The following CTNNA2 variants were observed in gnomAD, a reference collection of about 807,000 sequenced individuals.
CTNNA2 encodes the protein catenin alpha 2.
CTNNA2 carries 42 observed loss-of-function variants against 101.0 expected under a neutral mutation model. The observed-to-expected ratio is 0.42, with a 90% CI of 0.32 to 0.54. The LOEUF (loss-of-function observed/expected upper bound fraction) is 0.54, where lower values mean the gene tolerates loss of function less well. Among genes scored for constraint, CTNNA2 ranks in the 20% least tolerant of loss-of-function variants. The pLI, the probability that CTNNA2 is intolerant of heterozygous loss-of-function variation, is 0.14. For missense variants in CTNNA2, 871 were observed against 1,223.1 expected, an observed-to-expected ratio of 0.71 and a Z score of 4.29; for synonymous variants, 450 against 456.4, an observed-to-expected ratio of 0.99 and a Z score of 0.18.
intron 9 of CTNNA2, among the ~76,000 whole-genome samples, chr2:80,500,403 C>G (rs1262567599): frequency 6.6e-6 from 1 of 152,156 alleles, no homozygotes; most frequent in Non-Finnish European, 1.5e-5. Flanking sequence ...ATCCACCCAT[C>G]CGCCTACCCA....
rs139170861 is a variant in CTNNA2 at position 79,852,881 on chromosome 2, C to T, written c.299-5132C>T. Among the ~76,000 whole-genome samples, 1,345 of 152,106 alleles carry T rather than the reference C, an allele frequency of 8.8e-3. 19 individuals are homozygous for T. Among genetic ancestry groups the T allele is most frequent in the African/African-American group, 0.031 (1,292 of 41,504 alleles). ...TTGGGATTACAGGCGTGAGCCACCG[C>T]GCACAGCCGCAGTTTAACCCTCGTT... On this transcript the variant is annotated intron_variant, in intron 3 of 18. Transcript: ENST00000402739.
In CTNNA2 at chr2:79,958,380, T is replaced by C. The variant is rs180880347; in HGVS notation, c.1056+48583T>C. The stretch of plus-strand genomic sequence containing the variant: ...TGTAATTTAGTTAAGGATCTGGAGA[T>C]GGAGAGACTGTCCTGGATTGTTCGA... On this transcript the variant is annotated intron_variant, in intron 7 of 18. Coordinates refer to ENST00000402739, the MANE Select transcript of CTNNA2 (RefSeq NM_001282597.3). Among the ~76,000 whole-genome samples the C allele has an allele frequency of 8.4e-4, 128 of 152,248 alleles. 1 individual carries two copies. Among genetic ancestry groups the C allele is most frequent in the Non-Finnish European group, 1.5e-3 (102 of 68,022 alleles).
At chr2:80,578,307 A>T (rs3821068) in intron 13 of CTNNA2, among the ~76,000 whole-genome samples, 2 of 152,182 alleles carry the variant, frequency 1.3e-5, no homozygotes, top group African/African-American at 4.8e-5. Context: ...CTTCCCAAAG[A>T]GCACATAGAA....
intron 9 of CTNNA2, among the ~76,000 whole-genome samples, chr2:80,492,498 T>C (rs749503607): frequency 6.6e-6 from 1 of 152,226 alleles, no homozygotes; most frequent in Non-Finnish European, 1.5e-5. Context: ...CTAATATCCA[T>C]ACTGTTACTC....
At chr2:80,145,562 A>G (rs1300301869) in intron 7 of CTNNA2, among the ~76,000 whole-genome samples, 1 of 152,200 alleles carries the variant, frequency 6.6e-6, no homozygotes, top group African/African-American at 2.4e-5. Context: ...TTCACGATTC[A>G]ATTAACAGGA....
At chr2:80,537,317 G>A (rs1226112214) in intron 9 of CTNNA2, among the ~76,000 whole-genome samples, 1 of 152,072 alleles carries the variant, frequency 6.6e-6, no homozygotes, top group Non-Finnish European at 1.5e-5. Flanking sequence ...TCCTTATCAA[G>A]TCTATAATTG....
intron 7 of CTNNA2, among the ~76,000 whole-genome samples, chr2:80,319,253 A>T (rs1316158160): frequency 1.3e-5 from 2 of 152,230 alleles, no homozygotes; most frequent in African/African-American, 4.8e-5. Flanking sequence ...TATTTGAAGG[A>T]TGTCTACCAA....
At chr2:80,427,206 G>C (rs1196841536) in intron 9 of CTNNA2, among the ~76,000 whole-genome samples, 1 of 152,152 alleles carries the variant, frequency 6.6e-6, no homozygotes, top group Non-Finnish European at 1.5e-5. Flanking sequence ...TATTTCTATA[G>C]CACAGTTGTA....
At chr2:80,061,935 A>C (rs1697626453) in intron 7 of CTNNA2, among the ~76,000 whole-genome samples, 1 of 152,222 alleles carries the variant, frequency 6.6e-6, no homozygotes, top group African/African-American at 2.4e-5. Flanking sequence ...AAAGTAAAGC[A>C]AAAAAATGTA....
chr2:80,587,077 G>A (rs1056908137), intron 14 of CTNNA2, among the ~76,000 whole-genome samples: 1 of 152,118 alleles, frequency 6.6e-6, no homozygotes, highest in African/African-American at 2.4e-5. Flanking sequence ...GTTGTGTAGA[G>A]TGGTTAAGAA....
intron 4 of CTNNA2, among the ~76,000 whole-genome samples, chr2:79,449,608 A>G (rs1172093898): frequency 6.6e-6 from 1 of 152,084 alleles, no homozygotes; most frequent in Non-Finnish European, 1.5e-5. Flanking sequence ...TACTTCAGGA[A>G]ACAGTTTACC....
chr2:80,486,145 C>G (rs996558396), intron 9 of CTNNA2, among the ~76,000 whole-genome samples: 1 of 152,132 alleles, frequency 6.6e-6, no homozygotes, highest in Non-Finnish European at 1.5e-5. Flanking sequence ...GTGTTAGAAA[C>G]AGAATGTTCA....
In CTNNA2 at chr2:79,727,564, T is replaced by A. The variant is rs187414645; in HGVS notation, c.103-16823T>A. 7.3e-3 allele frequency among the ~76,000 whole-genome samples: 1,116 copies of A among 152,210 alleles called. 9 individuals are homozygous for A. The highest frequency in any genetic ancestry group is 0.026 in the African/African-American group (1,063 of 41,552). On this transcript the variant is annotated intron_variant, in intron 2 of 18. Transcript: ENST00000402739. ...AGAGAACAGATTTCAGATATTTCTT[T>A]TTTTATTTTATTTTATTTTATTATT...
At chr2:80,387,138 A>G (rs1405710573) in intron 7 of CTNNA2, among the ~76,000 whole-genome samples, 1 of 151,980 alleles carries the variant, frequency 6.6e-6, no homozygotes, top group African/African-American at 2.4e-5. Flanking sequence ...AATACAAAAA[A>G]ATTAGCCGGG....
Position 80,545,946 on chromosome 2 carries a change from A to G in CTNNA2, c.1423A>G (p.Ser475Gly), listed in dbSNP as rs1347217502. 1 of 1,614,114 alleles carries G rather than the reference A, an allele frequency of 6.2e-7. No homozygotes were observed. The highest frequency in any genetic ancestry group is 8.5e-7 in the Non-Finnish European group (1 of 1,180,010). Residue 475 changes from serine (S) to glycine (G), a missense_variant, in exon 11 of 19, where the codon AGC (serine) becomes GGC (glycine). Ser to Gly is a moderately conservative substitution (Grantham distance 56). Transcript: ENST00000402739. ...AALTLAARPQ[S>G]KVAQDNMDVF... ...TCTGACACTGGCTGCCCGGCCACAG[A>G]GCAAAGTTGCTCAGGATAACATGGA...
intron 4 of CTNNA2, among the ~76,000 whole-genome samples, chr2:79,445,157 T>C (rs904089136): frequency 1.3e-5 from 2 of 152,154 alleles, no homozygotes; most frequent in Non-Finnish European, 2.9e-5. Context: ...TTTTGATACA[T>C]TTTTTTCCTC....
intron 2 of CTNNA2, among the ~76,000 whole-genome samples, chr2:79,240,100 G>A (rs1674607642): frequency 2.0e-5 from 3 of 151,664 alleles, no homozygotes; most frequent in Admixed American, 6.6e-5. Flanking sequence ...TAGAGACGGG[G>A]TTTCTCCATG....
At chr2:80,600,131 G>A (rs1391124970) in intron 15 of CTNNA2, among the ~76,000 whole-genome samples, 1 of 151,926 alleles carries the variant, frequency 6.6e-6, no homozygotes, top group East Asian at 1.9e-4. Flanking sequence ...ACTTTTCAAT[G>A]TATTGTCCAG....
chr2:79,907,332 T>TAC (rs775605770), intron 6 of CTNNA2, among the ~76,000 whole-genome samples: 21 of 147,370 alleles, frequency 1.4e-4, no homozygotes, highest in East Asian at 3.9e-4. Flanking sequence ...ATTATATATA[T>TAC]ACACACACAC....
Sources: allele counts gnomAD v4.1 joint callset (sites outside exome capture counted in the v4.1 genomes callset), GRCh38; gene constraint gnomAD v4.1.1; transcripts MANE v1.5; gene names NCBI Gene and HGNC (gene_info 2026-07-23, HGNC 2026-07-21).